PPM1L: variants seen among roughly 807,000 people sequenced by gnomAD.
The protein encoded by PPM1L is protein phosphatase, Mg2+/Mn2+ dependent 1L.
Under a neutral mutation model 31.4 loss-of-function variants are expected in PPM1L, and 13 were observed. The observed-to-expected ratio is 0.41, with a 90% CI of 0.27 to 0.66. The LOEUF is 0.66. PPM1L is among the 30% of genes least tolerant of loss of function. The pLI, the probability that PPM1L is intolerant of heterozygous loss-of-function variation, is 0.29. For missense variants in PPM1L, 326 were observed against 453.7 expected (o/e 0.72, Z 2.56); for synonymous variants, 184 against 175.4 (o/e 1.05, Z -0.39).
intron 3 of PPM1L, 73 bp from the exon 4 acceptor site, chr3:161,068,738 G>A (rs925982702): frequency 4.0e-5 from 51 of 1,259,378 alleles, no homozygotes; most frequent in Non-Finnish European, 5.0e-5. Flanking sequence ...ACCCTGTTGC[G>A]CACGTACCTA....
rs1712903452 is a variant in PPM1L, at chr3:160,885,973, T to C, written c.400-75763T>C. On this transcript the variant is annotated intron_variant, in intron 1 of 3. Transcript: ENST00000498165. ...AACCTCCCTGGGTGGGGGAAGGGCGTCATTCATCTCTATAGCTCCAGGCCA... is the reference window on the plus strand; with the variant it reads ...AACCTCCCTGGGTGGGGGAAGGGCGCCATTCATCTCTATAGCTCCAGGCCA... Among the ~76,000 whole-genome samples, 3 of 152,088 alleles carry C rather than the reference T, an allele frequency of 2.0e-5. 1 individual carries two copies. The South Asian group carries it at 6.2e-4, about 32-fold the overall frequency.
intron 1 of PPM1L, among the ~76,000 whole-genome samples, chr3:160,758,925 A>G (rs1416048356): frequency 6.6e-6 from 1 of 152,180 alleles, no homozygotes; most frequent in African/African-American, 2.4e-5. Context: ...TCTGTTCATA[A>G]TCCCTTATCG....
chr3:160,960,138 T>A (rs756759630), intron 1 of PPM1L, among the ~76,000 whole-genome samples: 12 of 151,396 alleles, frequency 7.9e-5, no homozygotes, highest in Non-Finnish European at 1.8e-4. Flanking sequence ...CTCTGTTGAT[T>A]AGCGTGTATC....
chr3:160,899,235 G>C (rs1393580763), intron 1 of PPM1L, among the ~76,000 whole-genome samples: 1 of 152,072 alleles, frequency 6.6e-6, no homozygotes, highest in Non-Finnish European at 1.5e-5. Context: ...ATGCTCTTAC[G>C]ATTAGAGAAC....
intron 2 of PPM1L, among the ~76,000 whole-genome samples, chr3:161,055,389 TG>T (rs1246249648): frequency 6.6e-6 from 1 of 152,008 alleles, no homozygotes; most frequent in African/African-American, 2.4e-5. Flanking sequence ...CTGTGGAAGG[TG>T]GGGGCTGGAA....
intron 1 of PPM1L, among the ~76,000 whole-genome samples, chr3:160,904,092 T>A (rs1033388320): frequency 6.6e-6 from 1 of 152,142 alleles, no homozygotes; most frequent in South Asian, 2.1e-4. Flanking sequence ...ACCTCTACCA[T>A]GATTATAATG....
At chr3:160,949,386 A>C (rs1047509127) in intron 1 of PPM1L, among the ~76,000 whole-genome samples, 3 of 152,158 alleles carry the variant, frequency 2.0e-5, no homozygotes, top group African/African-American at 7.2e-5. Flanking sequence ...TTATCATGAG[A>C]TACAACAGGC....
intron 1 of PPM1L, among the ~76,000 whole-genome samples, chr3:160,858,492 C>A (rs1408532267): frequency 6.6e-6 from 1 of 152,172 alleles, no homozygotes; most frequent in Non-Finnish European, 1.5e-5. Flanking sequence ...GGTGATCCAC[C>A]CGCCTTGGCC....
intron 1 of PPM1L, among the ~76,000 whole-genome samples, chr3:160,912,245 C>A (rs1332952398): frequency 6.6e-6 from 1 of 152,164 alleles, no homozygotes; most frequent in African/African-American, 2.4e-5. Context: ...GTACTTCAGG[C>A]AAATTATTAT....
intron 1 of PPM1L, among the ~76,000 whole-genome samples, chr3:160,843,126 T>A (rs1713943110): frequency 6.6e-6 from 1 of 152,008 alleles, no homozygotes; most frequent in Non-Finnish European, 1.5e-5. Flanking sequence ...GCCCTCCTCC[T>A]ATCCTGTATC....
At chr3:160,965,099 A>C (rs1293592633) in intron 2 of PPM1L, among the ~76,000 whole-genome samples, 4 of 151,710 alleles carry the variant, frequency 2.6e-5, no homozygotes, top group African/African-American at 9.7e-5. Context: ...AAAATACAAA[A>C]AATTAGCCGG....
chr3:160,866,563 A>T (rs775073477), intron 1 of PPM1L, among the ~76,000 whole-genome samples: 48 of 152,196 alleles, frequency 3.2e-4, no homozygotes, highest in Non-Finnish European at 6.3e-4. Flanking sequence ...GATATATATC[A>T]TCACATAAGC....
chr3:160,919,449 CA>C (rs1174703656), intron 1 of PPM1L, among the ~76,000 whole-genome samples: 2 of 152,010 alleles, frequency 1.3e-5, no homozygotes, highest in Non-Finnish European at 2.9e-5. Flanking sequence ...AACCAATGGG[CA>C]TTATAGGCAT....
intron 2 of PPM1L, among the ~76,000 whole-genome samples, chr3:160,983,586 A>T (rs79824671): frequency 1.5e-3 from 223 of 152,328 alleles, no homozygotes; most frequent in African/African-American, 5.2e-3. Flanking sequence ...AGTTATACTG[A>T]ATTTATGACA....
intron 3 of PPM1L, 120 bp from the exon 4 acceptor site, chr3:161,068,691 G>T: frequency 2.6e-6 from 2 of 760,222 alleles, no homozygotes; most frequent in East Asian, 5.4e-5. Context: ...ATGGGGTTAA[G>T]GGGAGTGCCC....
chr3:160,850,796 A>G (rs1293580111), intron 1 of PPM1L, among the ~76,000 whole-genome samples: 1 of 151,780 alleles, frequency 6.6e-6, no homozygotes, highest in Non-Finnish European at 1.5e-5. Flanking sequence ...CTCAATCTGC[A>G]GCTCCATGTC....
intron 2 of PPM1L, among the ~76,000 whole-genome samples, chr3:161,061,189 G>C (rs1719560360): frequency 6.6e-6 from 1 of 151,044 alleles, no homozygotes; most frequent in Admixed American, 6.6e-5. Flanking sequence ...CCAGTGCTCA[G>C]CATTGCTTTG....
chr3:160,759,153 G>A (rs191477550), intron 1 of PPM1L, among the ~76,000 whole-genome samples: 126 of 152,236 alleles, frequency 8.3e-4, no homozygotes, highest in Admixed American at 1.6e-3. Context: ...GCCACTGTTT[G>A]ATTTTAGTAT....
intron 1 of PPM1L, among the ~76,000 whole-genome samples, chr3:160,931,108 GT>G (rs1420975076): frequency 6.6e-6 from 1 of 152,216 alleles, no homozygotes; most frequent in Non-Finnish European, 1.5e-5. Flanking sequence ...AATTAAGACA[GT>G]AGGGGACAAA....
Sources: gnomAD v4.1 joint callset for allele counts (sites outside exome capture counted in the v4.1 genomes callset) on GRCh38, gnomAD v4.1.1 for gene constraint, MANE v1.5 for transcripts, NCBI Gene and HGNC (gene_info 2026-07-23, HGNC 2026-07-21) for gene names.